Variants in MARCHF1 observed in about 807,000 individuals in gnomAD.
The protein encoded by MARCHF1 is E3 ubiquitin-protein ligase MARCHF1.
MARCHF1 carries 40 observed loss-of-function variants against 54.2 expected under a neutral mutation model. That is an observed-to-expected ratio of 0.74 (90% CI 0.57 to 0.96). The LOEUF (loss-of-function observed/expected upper bound fraction) is 0.96. Ranked by LOEUF, MARCHF1 falls within the 40% of genes least tolerant of loss-of-function variation. MARCHF1 has a pLI of 0.00. For synonymous variants in MARCHF1, 236 were observed against 236.3 expected (o/e 1.00, Z 0.01); for missense variants, 586 against 656.5 (o/e 0.89, Z 1.17).
intron 2 of MARCHF1, among the ~76,000 whole-genome samples, chr4:164,033,345 C>T (rs1753919137): frequency 6.6e-6 from 1 of 152,036 alleles, no homozygotes; most frequent in Non-Finnish European, 1.5e-5. Context: ...GAGGCAATAC[C>T]ATTCAAGACA....
Position 164,144,467 on chromosome 4 carries a change from C to T in MARCHF1, c.-322-32805G>A, listed in dbSNP as rs1223455429. 6.6e-5 allele frequency among the ~76,000 whole-genome samples: 10 copies of T among 151,734 alleles called. No homozygotes were observed. The South Asian group carries it at 1.7e-3, about 25-fold the overall frequency. On this transcript the variant is annotated intron_variant, in intron 1 of 9. Transcript: ENST00000514618. ...GTAAAAGAACAGAAATTATAACAAA[C>T]GATCTCTCAGACCACAGTGCAATCA...
intron 1 of MARCHF1, among the ~76,000 whole-genome samples, chr4:164,267,345 T>C (rs1733635976): frequency 6.6e-6 from 1 of 152,214 alleles, no homozygotes; most frequent in African/African-American, 2.4e-5. Flanking sequence ...AGTAATGAGA[T>C]GCCACTTCTG....
intron 1 of MARCHF1, among the ~76,000 whole-genome samples, chr4:164,154,856 C>T (rs1231164215): frequency 6.6e-6 from 1 of 152,178 alleles, no homozygotes; most frequent in African/African-American, 2.4e-5. Context: ...AGACTCAGGT[C>T]ACACACGGAC....
At chr4:163,964,123 G>A (rs1355548413) in intron 3 of MARCHF1, among the ~76,000 whole-genome samples, 4 of 151,886 alleles carry the variant, frequency 2.6e-5, no homozygotes. Context: ...ACCTGCACCG[G>A]TGCTTACCAT....
In MARCHF1 at chr4:164,199,958, T is replaced by C. The variant is rs148250234; in HGVS notation, c.-322-88296A>G. 5.0e-4 allele frequency among the ~76,000 whole-genome samples: 76 copies of C among 152,238 alleles called. No individual in the cohort carries two copies. The East Asian group carries it at 0.014, about 28-fold the overall frequency. On this transcript the variant is annotated intron_variant, in intron 1 of 9. Coordinates refer to ENST00000514618, the MANE Select transcript of MARCHF1 (RefSeq NM_001394959.1). ...GAAGTTCCCAGGAAGGCAGGCTACT[T>C]TTGTGCCTATGTACCTTTGGTTCTT...
chr4:164,108,445 A>C (rs925897775), intron 2 of MARCHF1, among the ~76,000 whole-genome samples: 5 of 152,028 alleles, frequency 3.3e-5, no homozygotes, highest in Non-Finnish European at 5.9e-5. Flanking sequence ...CCCTTTGAAT[A>C]CACACATGAC....
chr4:163,542,963 G>A (rs1011267914), intron 9 of MARCHF1, among the ~76,000 whole-genome samples: 6 of 152,134 alleles, frequency 3.9e-5, no homozygotes, highest in Admixed American at 6.6e-5. Context: ...GGTGGTGGTG[G>A]ACAAGAGAAG....
At chr4:164,351,426 G>A (rs907861731) in intron 1 of MARCHF1, among the ~76,000 whole-genome samples, 2 of 150,656 alleles carry the variant, frequency 1.3e-5, no homozygotes, top group Non-Finnish European at 3.0e-5. Flanking sequence ...AGAATGGGCA[G>A]ACTGCCTCCT....
chr4:163,877,315 G>T (rs1750310447), intron 3 of MARCHF1, among the ~76,000 whole-genome samples: 1 of 152,064 alleles, frequency 6.6e-6, no homozygotes, highest in African/African-American at 2.4e-5. Flanking sequence ...CATGTCCAGG[G>T]TTTAGTCTTC....
At chr4:163,611,096 T>C (rs1741324964) in intron 7 of MARCHF1, among the ~76,000 whole-genome samples, 2 of 152,096 alleles carry the variant, frequency 1.3e-5, no homozygotes, top group African/African-American at 4.8e-5. Flanking sequence ...ATATATCAGC[T>C]GTAAATTAAT....
chr4:163,883,412 G>C lies in MARCHF1; in HGVS notation c.-38-29243C>G, dbSNP rs1376544661. 2.0e-5 allele frequency among the ~76,000 whole-genome samples: 3 copies of C among 149,570 alleles called. 1 individual carries two copies. The highest frequency in any genetic ancestry group is 4.9e-5 in the African/African-American group (2 of 40,594). On this transcript the variant is annotated intron_variant, in intron 3 of 9. Transcript: ENST00000514618. ...GGCTCATAATTACTCAGCCATTTAG[G>C]GTTCTGAACTGAATTCTTTATTGTC...
intron 1 of MARCHF1, chr4:164,188,901 A>G: frequency 1.3e-6 from 1 of 773,462 alleles, no homozygotes; most frequent in Non-Finnish European, 2.4e-6. Context: ...TTACCAGCCT[A>G]TTTCAATGAT....
chr4:163,863,391 C>T (rs1749982938), intron 3 of MARCHF1, among the ~76,000 whole-genome samples: 1 of 152,004 alleles, frequency 6.6e-6, no homozygotes. Context: ...GGAGGTATGA[C>T]TCTGACAGTG....
At chr4:164,055,127 A>T (rs749387673) in intron 2 of MARCHF1, 1 of 152,128 alleles carries the variant, frequency 6.6e-6, no homozygotes, top group African/African-American at 2.4e-5. Context: ...GATGGTAATA[A>T]GCCTGAATAA....
At chr4:164,302,391 A>C (rs1734584055) in intron 1 of MARCHF1, among the ~76,000 whole-genome samples, 1 of 152,168 alleles carries the variant, frequency 6.6e-6, no homozygotes, top group African/African-American at 2.4e-5. Flanking sequence ...TGATTTAAAA[A>C]TATAATTTAG....
intron 1 of MARCHF1, among the ~76,000 whole-genome samples, chr4:164,333,524 G>A (rs1295082309): frequency 1.3e-5 from 2 of 151,988 alleles, no homozygotes; most frequent in African/African-American, 4.8e-5. Context: ...TAGTCATTTG[G>A]GGGCACCATG....
At chr4:163,691,451 A>T (rs1456504532) in intron 5 of MARCHF1, among the ~76,000 whole-genome samples, 1 of 152,190 alleles carries the variant, frequency 6.6e-6, no homozygotes, top group East Asian at 1.9e-4. Context: ...CCCTCGCACT[A>T]GTGTGGCTGT....
At chr4:163,930,186 C>T (rs904747816) in intron 3 of MARCHF1, among the ~76,000 whole-genome samples, 1 of 150,798 alleles carries the variant, frequency 6.6e-6, no homozygotes, top group Non-Finnish European at 1.5e-5. Flanking sequence ...TCAGGGAACA[C>T]TAAGTTAGAC....
Position 164,357,035 on chromosome 4 carries a change from A to T in MARCHF1, c.-323+26835T>A, listed in dbSNP as rs182734889. The stretch of plus-strand genomic sequence containing the variant: ...TGGGTAGGCTTAATACCTGGGTGAC[A>T]AGATAATCTGTACAACAAACCCCCA... On this transcript the variant is annotated intron_variant, in intron 1 of 9. Coordinates refer to ENST00000514618, the MANE Select transcript of MARCHF1 (RefSeq NM_001394959.1). Among the ~76,000 whole-genome samples, 279 of 152,006 alleles carry T rather than the reference A, an allele frequency of 1.8e-3. 1 individual carries two copies. The highest frequency in any genetic ancestry group is 6.5e-3 in the African/African-American group (270 of 41,470).
Sources: allele counts gnomAD v4.1 joint callset (sites outside exome capture counted in the v4.1 genomes callset), GRCh38; gene constraint gnomAD v4.1.1; transcripts MANE v1.5; gene names NCBI Gene and HGNC (gene_info 2026-07-23, HGNC 2026-07-21).